COIL: variants seen among roughly 807,000 people sequenced by gnomAD.
The protein encoded by COIL is coilin.
COIL carries 28 observed loss-of-function variants against 51.6 expected under a neutral mutation model. The observed-to-expected ratio is 0.54, with a 90% confidence interval of 0.40 to 0.74. COIL has a LOEUF of 0.74. Ranked by LOEUF, COIL falls within the 30% of genes least tolerant of loss-of-function variation. COIL has a pLI of 0.00. For missense variants in COIL, 667 were observed against 685.9 expected, an observed-to-expected ratio of 0.97 and a Z score of 0.31; for synonymous variants, 233 against 255.8, an observed-to-expected ratio of 0.91 and a Z score of 0.85.
At chr17:56,955,492 G>A (rs946962866) in intron 1 of COIL, among the ~76,000 whole-genome samples, 7 of 152,168 alleles carry the variant, frequency 4.6e-5, no homozygotes, top group African/African-American at 1.7e-4. Flanking sequence ...ATGCCCATCT[G>A]TCCAACCTGA....
At chr17:56,954,822 A>T (rs1266782317) in intron 1 of COIL, among the ~76,000 whole-genome samples, 1 of 152,080 alleles carries the variant, frequency 6.6e-6, no homozygotes, top group Non-Finnish European at 1.5e-5. Context: ...AAAAAAAGAA[A>T]ATATTAAGAT....
chr17:56,952,866 T>C (rs1180880277), intron 1 of COIL, among the ~76,000 whole-genome samples: 1 of 152,136 alleles, frequency 6.6e-6, no homozygotes. Flanking sequence ...AAAATTTCAC[T>C]ATAGGAAAGC....
chr17:56,948,549 C>A lies in COIL; in HGVS notation c.1488+838G>T, dbSNP rs1025759478. Among the ~76,000 whole-genome samples, 6 of 151,636 alleles carry A rather than the reference C, an allele frequency of 4.0e-5. No homozygotes were observed. In the South Asian group the frequency reaches 1.3e-3, roughly 32 times the overall value. Reference sequence around the variant, plus strand: ...ACTATATTAACACTACCAATTATTACCTTAAAAAATGGTCTTACATTCCAT... The same window carrying A: ...ACTATATTAACACTACCAATTATTAACTTAAAAAATGGTCTTACATTCCAT... On this transcript the variant is annotated intron_variant, in intron 4 of 6. Transcript: ENST00000240316.
rs1038956485 is a variant in COIL, at chr17:56,942,215, A to C, written c.1559-92T>G. ...GGGGAATTTATATCATTAAGAAAACAACCACAAACAAACTGTCAATTAATG... is the reference window on the plus strand; with the variant it reads ...GGGGAATTTATATCATTAAGAAAACCACCACAAACAAACTGTCAATTAATG... On this transcript the variant is annotated intron_variant, in intron 5 of 6. Coordinates refer to ENST00000240316, the MANE Select transcript of COIL (RefSeq NM_004645.3). 4.3e-5 allele frequency: 43 copies of C among 1,004,350 alleles called. No homozygotes were observed. The Middle Eastern group carries it at 6.7e-4, about 16-fold the overall frequency. The allele number at this position is 1,004,350 out of a possible 1,614,324, so 62.2% of individuals were successfully genotyped here.
chr17:56,950,949 CTGA>C lies in COIL; in HGVS notation c.290_292del (p.Ile97del). ...AAGAGATAAATTAATGTCACCATTACTGATGACTACAGAATTCTCAGCAACTCC... is the reference window on the plus strand; with the variant it reads ...AAGAGATAAATTAATGTCACCATTACTGACTACAGAATTCTCAGCAACTCC... On this transcript the variant is annotated inframe_deletion, in exon 2 of 7. Transcript: ENST00000240316. 1.2e-6 allele frequency: 2 copies of C among 1,611,110 alleles called. No homozygotes were observed.
At chr17:56,951,920 C>T (rs1910379966) in intron 1 of COIL, 2 of 169,328 alleles carry the variant, frequency 1.2e-5, no homozygotes, top group Non-Finnish European at 2.5e-5. Context: ...CGTGCCTCAG[C>T]CTCCCAAATA....
chr17:56,953,960 T>G (rs559905106), intron 1 of COIL, among the ~76,000 whole-genome samples: 1 of 152,314 alleles, frequency 6.6e-6, no homozygotes, highest in Admixed American at 6.5e-5. Context: ...CAGTTTGGCA[T>G]CCTGTGAATC....
At chr17:56,947,053 G>T (rs1339676214) in intron 4 of COIL, among the ~76,000 whole-genome samples, 1 of 152,202 alleles carries the variant, frequency 6.6e-6, no homozygotes, top group Non-Finnish European at 1.5e-5. Flanking sequence ...AGCTGTGGGA[G>T]CTGATTTTCT....
chr17:56,960,789 G>A lies in COIL; in HGVS notation c.231C>T (p.Asp77=). The A allele has an allele frequency of 6.3e-7, 1 of 1,578,934 alleles. No homozygotes were observed. The change falls in exon 1 of 7, where the codon GAC becomes GAT. Residue 77 remains aspartate (D), a synonymous_variant. Transcript: ENST00000240316. ...GCGCCGCGCACCTGAGGCAGTCGTT[G>A]TCTCTCACAAGGCGCGCGCTCTCGG... ...PPAESARLVR[D]NDCLRVKLEE...
At chr17:56,943,544 G>A in intron 5 of COIL, among the ~76,000 whole-genome samples, 1 of 152,202 alleles carries the variant, frequency 6.6e-6, no homozygotes, top group East Asian at 1.9e-4. Flanking sequence ...AGGTTTATAA[G>A]TGAGAGACAA....
At chr17:56,952,791 TTGTG>T (rs145341247) in intron 1 of COIL, among the ~76,000 whole-genome samples, 7 of 148,912 alleles carry the variant, frequency 4.7e-5, no homozygotes, top group South Asian at 4.3e-4. Flanking sequence ...GAGTGAGTAT[TTGTG>T]TGTGTGTGTG....
In COIL at chr17:56,960,801, G is replaced by T. The variant is rs778991293; in HGVS notation, c.219C>A (p.Arg73=). 1.1e-5 allele frequency: 18 copies of T among 1,593,960 alleles called. No homozygotes were observed. The highest frequency in any genetic ancestry group is 1.5e-5 in the Non-Finnish European group (18 of 1,170,914). The change falls in exon 1 of 7, where the codon CGC becomes CGA. Residue 73 remains arginine (R), a synonymous_variant. Coordinates refer to ENST00000240316, the MANE Select transcript of COIL (RefSeq NM_004645.3). The stretch of plus-strand genomic sequence containing the variant: ...TGAGGCAGTCGTTGTCTCTCACAAG[G>T]CGCGCGCTCTCGGCGGGGGGCAAGA... ...GGLLPPAESA[R]LVRDNDCLRV... is the part of the protein sequence containing the mutation.
chr17:56,960,643 C>T (rs1023572499), intron 1 of COIL, 132 bp downstream of exon 1: 1 of 466,618 alleles, frequency 2.1e-6, no homozygotes, highest in African/African-American at 2.1e-5. Context: ...GCCCCACCCC[C>T]CTCCAACCCT....
rs750824409 is a variant in COIL at position 56,950,004 on chromosome 17, C to G, written c.1238G>C (p.Arg413Pro). The G allele has an allele frequency of 2.5e-6, 4 of 1,614,174 alleles. No homozygotes were observed. The highest frequency in any genetic ancestry group is 3.4e-6 in the Non-Finnish European group (4 of 1,180,016). Residue 413 changes from arginine to proline, a missense_variant, in exon 2 of 7, where the codon CGG (arginine) becomes CCG (proline). Arg to Pro is a moderately radical substitution (Grantham distance 103, BLOSUM62 -2). Coordinates refer to ENST00000240316, the MANE Select transcript of COIL (RefSeq NM_004645.3). ...SWKGAKGRGM[R>P]GRGRGRGHPV... ...ATGCCCTCGTCCTCGACCTCTCCCC[C>G]GCATGCCCCGTCCCTTAGCTCCCTT...
In COIL at chr17:56,950,557, T is replaced by A. The variant is rs1462230604; in HGVS notation, c.685A>T (p.Lys229Ter). ...CTTACACTACCTTTCCTTTTGGCTT[T>A]AACAAGGCTGTTTCTAGCAGAACCT... The part of the protein sequence containing the change: ...PKGSARNSLV[K>*]AKRKGSVSVC... The change falls in exon 2 of 7, where the codon AAA becomes TAA. Residue 229 changes from lysine (K) to a stop codon, truncating the protein, a stop_gained. Transcript: ENST00000240316. LOFTEE classifies it high-confidence loss of function. The A allele has an allele frequency of 4.3e-6, 7 of 1,614,130 alleles. No individual in the cohort carries two copies. The highest frequency in any genetic ancestry group is 5.9e-6 in the Non-Finnish European group (7 of 1,180,056).
Position 56,952,179 on chromosome 17 carries a change from T to C in COIL, c.246-1183A>G, listed in dbSNP as rs186963721. 5.2e-5 allele frequency: 26 copies of C among 496,356 alleles called. No homozygotes were observed. The East Asian group carries it at 5.6e-4, about 11-fold the overall frequency. The allele number at this position is 496,356 out of a possible 1,614,324, so 30.7% of individuals were successfully genotyped here. ...GCAAATCTGAAACCACTGATGATCA[T>C]AGAGCTGGGAAAACTGTTGTGAACC... On this transcript the variant is annotated intron_variant, in intron 1 of 6. Transcript: ENST00000240316.
intron 1 of COIL, among the ~76,000 whole-genome samples, chr17:56,956,990 C>G (rs954805819): frequency 1.3e-5 from 2 of 152,166 alleles, no homozygotes; most frequent in African/African-American, 4.8e-5. Flanking sequence ...GTTTCTCAGG[C>G]CGGGGGCAGT....
intron 5 of COIL, among the ~76,000 whole-genome samples, chr17:56,943,950 C>T (rs1419291788): frequency 5.3e-5 from 8 of 152,090 alleles, no homozygotes; most frequent in Non-Finnish European, 1.0e-4. Context: ...ACTGCAGCCT[C>T]GACCTCCTGG....
chr17:56,956,199 G>C (rs1910479200), intron 1 of COIL, among the ~76,000 whole-genome samples: 1 of 152,130 alleles, frequency 6.6e-6, no homozygotes, highest in South Asian at 2.1e-4. Flanking sequence ...ACTATCCAAG[G>C]AGCCACTAAC....
Sources: allele counts gnomAD v4.1 joint callset (sites outside exome capture counted in the v4.1 genomes callset), GRCh38; gene constraint gnomAD v4.1.1; transcripts MANE v1.5; gene names NCBI Gene and HGNC (gene_info 2026-07-23, HGNC 2026-07-21).